Variants in AHNAK observed in about 807,000 individuals in gnomAD.
AHNAK encodes neuroblast differentiation-associated protein AHNAK.
Under a neutral mutation model 37.8 loss-of-function variants are expected in AHNAK, and 23 were observed. The ratio of observed to expected loss-of-function variants is 0.61; its 90% CI spans 0.44 to 0.86. The LOEUF (loss-of-function observed/expected upper bound fraction) is 0.86. AHNAK is among the 40% of genes least tolerant of loss of function. The pLI, the probability that AHNAK is intolerant of heterozygous loss-of-function variation, is 0.00. For missense variants in AHNAK, 7,411 were observed against 7,319.4 expected, an observed-to-expected ratio of 1.01 and a Z score of -0.46; for synonymous variants, 2,481 against 2,636.3, an observed-to-expected ratio of 0.94 and a Z score of 1.80.
Position 62,519,992 on chromosome 11 carries a change from T to G in AHNAK, c.14425A>C (p.Ile4809Leu). The change falls in exon 5 of 5, where the codon ATC becomes CTC. Residue 4809 changes from isoleucine (I) to leucine (L), a missense_variant. Coordinates refer to ENST00000378024, the MANE Select transcript of AHNAK (RefSeq NM_001620.3). ...DVDVSLPKAD[I>L]DVSGPKVDVD... The stretch of plus-strand genomic sequence containing the variant: ...TCCACCTTGGGTCCCGAGACATCGA[T>G]GTCGGCCTTGGGCAGGCTCACATCC... 1 of 1,613,494 alleles carries G rather than the reference T, an allele frequency of 6.2e-7. No individual in the cohort carries two copies. Among genetic ancestry groups the G allele is most frequent in the Non-Finnish European group, 8.5e-7 (1 of 1,179,886 alleles).
chr11:62,448,769 G>A (rs899908019), intron 5 of AHNAK, among the ~76,000 whole-genome samples: 28 of 152,174 alleles, frequency 1.8e-4, no homozygotes, highest in African/African-American at 6.3e-4. Context: ...CCTACAGATG[G>A]TATTTAAAGT....
At chr11:62,466,738 C>T (rs1938920013) in intron 5 of AHNAK, among the ~76,000 whole-genome samples, 1 of 152,078 alleles carries the variant, frequency 6.6e-6, no homozygotes, top group African/African-American at 2.4e-5. Context: ...ATCTCCCAGG[C>T]CTGGGATATG....
chr11:62,545,124 C>G (rs1941265719), intron 1 of AHNAK, among the ~76,000 whole-genome samples: 1 of 152,206 alleles, frequency 6.6e-6, no homozygotes. Flanking sequence ...CCCACACTGC[C>G]TTTCCACAAA....
chr11:62,504,932 A>T (rs1939783023), intron 4 of AHNAK, among the ~76,000 whole-genome samples: 2 of 152,128 alleles, frequency 1.3e-5, no homozygotes, highest in African/African-American at 4.8e-5. Flanking sequence ...CACGTGAGAG[A>T]CCCATCCCTC....
Position 62,519,982 on chromosome 11 carries a change from G to A in AHNAK, c.14435C>T (p.Ser4812Leu), listed in dbSNP as rs201426270. 402 of 1,613,290 alleles carry A rather than the reference G, an allele frequency of 2.5e-4. 1 individual carries two copies. The highest frequency in any genetic ancestry group is 3.0e-4 in the Non-Finnish European group (352 of 1,179,904). Residue 4812 changes from serine (S) to leucine (L), a missense_variant, in exon 5 of 5, where the codon TCG becomes TTG. By Grantham distance (145) the Ser-to-Leu change is moderately radical (BLOSUM62 -2). Coordinates refer to ENST00000378024, the MANE Select transcript of AHNAK (RefSeq NM_001620.3). ...AATATCAACGTCCACCTTGGGTCCC[G>A]AGACATCGATGTCGGCCTTGGGCAG... ...VSLPKADIDV[S>L]GPKVDVDIPD...
Position 62,519,867 on chromosome 11 carries a change from G to T in AHNAK, c.14550C>A (p.Ser4850=). The change falls in exon 5 of 5, where the codon TCC becomes TCA. Residue 4850 remains serine (S), a synonymous_variant. Coordinates refer to ENST00000378024, the MANE Select transcript of AHNAK (RefSeq NM_001620.3). ...TCAAATCCAGGTCAACATCAGGTAT[G>T]GAGATCTTGGGAGCTTTGATATTTA... ...PEINIKAPKI[S]IPDVDLDLKG... The T allele has an allele frequency of 1.2e-6, 2 of 1,614,114 alleles. No homozygotes were observed. The highest frequency in any genetic ancestry group is 1.7e-6 in the Non-Finnish European group (2 of 1,179,998).
Position 62,533,758 on chromosome 11 carries a change from G to T in AHNAK, c.659C>A (p.Ser220Tyr). Reference sequence around the variant, plus strand: ...GGCCCCTGCTCGGATATCCACAGCAGAGCCTGTCGGAGAGGCTGCCCCCGA... The same window carrying T: ...GGCCCCTGCTCGGATATCCACAGCATAGCCTGTCGGAGAGGCTGCCCCCGA... ...SGSGAASPTG[S>Y]AVDIRAGAIS... Residue 220 changes from serine (S) to tyrosine (Y), a missense_variant, in exon 5 of 5, where the codon TCT becomes TAT. Transcript: ENST00000378024. 1.2e-6 allele frequency: 2 copies of T among 1,614,172 alleles called. No individual in the cohort carries two copies. Among genetic ancestry groups the T allele is most frequent in the Non-Finnish European group, 1.7e-6 (2 of 1,180,040 alleles).
chr11:62,462,309 C>T (rs1477945903), intron 5 of AHNAK, among the ~76,000 whole-genome samples: 1 of 151,850 alleles, frequency 6.6e-6, no homozygotes, highest in Non-Finnish European at 1.5e-5. Context: ...TTAGCACTGA[C>T]AGTTATTCAA....
At chr11:62,482,728 G>A (rs1456836071) in intron 5 of AHNAK, among the ~76,000 whole-genome samples, 1 of 152,130 alleles carries the variant, frequency 6.6e-6, no homozygotes, top group African/African-American at 2.4e-5. Flanking sequence ...TCTCCATCTA[G>A]CATGGTAGAG....
Position 62,530,549 on chromosome 11 carries a change from C to T in AHNAK, c.3868G>A (p.Val1290Met), listed in dbSNP as rs2134236530. Residue 1290 changes from valine (V) to methionine (M), a missense_variant, in exon 5 of 5, where the codon GTG (valine) becomes ATG (methionine). Physicochemically the swap from Val to Met is conservative, Grantham distance 21 (BLOSUM62 1). Transcript: ENST00000378024. The stretch of plus-strand genomic sequence containing the variant: ...CTCACATCTGGGACTTCAACATCCA[C>T]CTTGGGTCCTGAGACATCAATGTCA... ...KADIDVSGPK[V>M]DVEVPDVSLE... The T allele has an allele frequency of 1.9e-6, 3 of 1,607,730 alleles. No homozygotes were observed. Among genetic ancestry groups the T allele is most frequent in the East Asian group, 4.5e-5 (2 of 44,442 alleles).
rs758717040 is a variant in AHNAK, at chr11:62,522,380, G to A, written c.12037C>T (p.Pro4013Ser). 9 of 1,613,816 alleles carry A rather than the reference G, an allele frequency of 5.6e-6. No individual in the cohort carries two copies. In the African/African-American group the frequency reaches 1.2e-4, roughly 22 times the overall value. ...ACATCCACATCTCCTTTCACCTTAG[G>A]GCCTTTCAGATGCAAATCAAAGTCA... ...MPDFDLHLKGPKVKGDVDVSL... is the reference protein window; with the variant it reads ...MPDFDLHLKGSKVKGDVDVSL... Residue 4013 changes from proline to serine, a missense_variant, in exon 5 of 5, where the codon CCT becomes TCT. By Grantham distance (74) the Pro-to-Ser change is moderately conservative. Coordinates refer to ENST00000378024, the MANE Select transcript of AHNAK (RefSeq NM_001620.3).
intron 5 of AHNAK, among the ~76,000 whole-genome samples, chr11:62,457,160 T>C (rs1565200404): frequency 6.6e-6 from 1 of 151,914 alleles, no homozygotes; most frequent in Non-Finnish European, 1.5e-5. Flanking sequence ...TACCCTCTAC[T>C]AAAAATACAA....
At chr11:62,461,816 C>T (rs1196659798) in intron 5 of AHNAK, among the ~76,000 whole-genome samples, 4 of 133,920 alleles carry the variant, frequency 3.0e-5, no homozygotes, top group Non-Finnish European at 6.4e-5. Flanking sequence ...CAGAGCGAAA[C>T]GACATCTCAA....
chr11:62,505,262 CGG>C (rs1367807732), intron 4 of AHNAK, among the ~76,000 whole-genome samples: 8 of 152,138 alleles, frequency 5.3e-5, no homozygotes, highest in Non-Finnish European at 1.5e-5. Context: ...ACCCAGTCTG[CGG>C]GCACATGGCT....
rs1940042324 is a variant in AHNAK, at chr11:62,517,032, CG to C, written c.17384del (p.Pro5795ArgfsTer26). ...DEREFSGPSTPTGTLEFEGGE... is the reference protein window; with the variant it reads ...DEREFSGPSTXTGTLEFEGGE... ...CACCTTCAAACTCCAGCGTCCCCGTCGGGGTGGAAGGTCCAGAGAACTCTCT... is the reference window on the plus strand; with the variant it reads ...CACCTTCAAACTCCAGCGTCCCCGTCGGGTGGAAGGTCCAGAGAACTCTCT... On this transcript the variant is annotated frameshift_variant, in exon 5 of 5. Transcript: ENST00000378024. LOFTEE classifies it high-confidence loss of function. The C allele has an allele frequency of 6.2e-7, 1 of 1,614,202 alleles. No individual in the cohort carries two copies. The highest frequency in any genetic ancestry group is 1.1e-5 in the South Asian group (1 of 91,082).
At chr11:62,509,629 A>G (rs944790182) in intron 4 of AHNAK, among the ~76,000 whole-genome samples, 1 of 151,860 alleles carries the variant, frequency 6.6e-6, no homozygotes, top group Non-Finnish European at 1.5e-5. Flanking sequence ...CCCAAAGAGG[A>G]AAAAAAGACA....
intron 5 of AHNAK, among the ~76,000 whole-genome samples, chr11:62,458,445 G>A (rs1402802243): frequency 6.6e-6 from 1 of 152,118 alleles, no homozygotes; most frequent in Non-Finnish European, 1.5e-5. Flanking sequence ...AGAGTCTGGT[G>A]TAAGCTGGAG....
rs1205177014 is a variant in AHNAK at position 62,524,176 on chromosome 11, T to G, written c.10241A>C (p.Lys3414Thr). Reference protein sequence around the residue: ...KMPFLSISSPKVSMPDVELNL... With the variant: ...KMPFLSISSPTVSMPDVELNL... ...TAGCTCCACGTCAGGCATAGAAACT[T>G]TGGGAGATGAAATACTCAGGAAAGG... Residue 3414 changes from lysine to threonine, a missense_variant, in exon 5 of 5, where the codon AAA becomes ACA. By Grantham distance (78) the Lys-to-Thr change is moderately conservative. Transcript: ENST00000378024. 2 of 1,614,034 alleles carry G rather than the reference T, an allele frequency of 1.2e-6. No homozygotes were observed. The highest frequency in any genetic ancestry group is 2.2e-5 in the South Asian group (2 of 91,028).
chr11:62,481,610 C>A (rs1187085247), intron 5 of AHNAK, among the ~76,000 whole-genome samples: 2 of 116,370 alleles, frequency 1.7e-5, no homozygotes, highest in Non-Finnish European at 4.0e-5. Flanking sequence ...CTGAGTCTCG[C>A]TCTTTCTCCT....
Sources: allele counts gnomAD v4.1 joint callset (sites outside exome capture counted in the v4.1 genomes callset), GRCh38; gene constraint gnomAD v4.1.1; transcripts MANE v1.5; gene names NCBI Gene and HGNC (gene_info 2026-07-23, HGNC 2026-07-21).